The following TBC1D20 variants were observed in gnomAD, a reference collection of about 807,000 sequenced individuals.
TBC1D20 encodes chromosome 20 open reading frame 140.
TBC1D20 carries 12 observed loss-of-function variants against 41.6 expected under a neutral mutation model. The ratio of observed to expected loss-of-function variants is 0.29; its 90% CI spans 0.18 to 0.47. TBC1D20 has a LOEUF of 0.47. TBC1D20 is among the 20% of genes least tolerant of loss of function. The probability of loss-of-function intolerance (pLI) is 1.00; values close to 1 mark genes in which losing one functional copy is unlikely to be tolerated. For synonymous variants in TBC1D20, 205 were observed against 204.8 expected, an observed-to-expected ratio of 1.00 and a Z score of -0.01; for missense variants, 421 against 517.4, an observed-to-expected ratio of 0.81 and a Z score of 1.81.
chr20:444,036 C>G (rs2017286167), intron 3 of TBC1D20, among the ~76,000 whole-genome samples: 1 of 151,516 alleles, frequency 6.6e-6, no homozygotes, highest in Admixed American at 6.6e-5. Context: ...GAGGCTGAGG[C>G]AGGAGAACTG....
intron 1 of TBC1D20, among the ~76,000 whole-genome samples, chr20:454,012 G>A (rs563557504): frequency 2.0e-5 from 3 of 148,940 alleles, no homozygotes; most frequent in South Asian, 2.2e-4. Context: ...AGGCCGAGGT[G>A]GGCAGATCAT....
chr20:438,414 G>A lies in TBC1D20; in HGVS notation c.*172C>T. 1 of 716,230 alleles carries A rather than the reference G, an allele frequency of 1.4e-6. No individual in the cohort carries two copies. The highest frequency in any genetic ancestry group is 1.9e-5 in the South Asian group (1 of 52,642). 44.4% of individuals were successfully genotyped at this position (716,230 alleles called of 1,614,324 possible). The stretch of plus-strand genomic sequence containing the variant: ...CCCAGGTCCCCTCTGTGTCAGGTAG[G>A]CTCTGCTACTGGCCTCTGAAGTAAA... On this transcript the variant is annotated 3_prime_UTR_variant, in exon 8 of 8. Transcript: ENST00000354200.
Position 447,986 on chromosome 20 carries a change from C to T in TBC1D20, c.159G>A (p.Met53Ile). The T allele has an allele frequency of 6.2e-7, 1 of 1,614,088 alleles. No homozygotes were observed. Reference protein sequence around the residue: ...DPTDVAALRRMAISEGGLLTD... With the variant: ...DPTDVAALRRIAISEGGLLTD... Reference sequence around the variant, plus strand: ...TCAGGAGCCCTCCTTCACTGATAGCCATGCGTCTAAGGGCAGCCACATCAG... The same window carrying T: ...TCAGGAGCCCTCCTTCACTGATAGCTATGCGTCTAAGGGCAGCCACATCAG... Residue 53 changes from methionine to isoleucine, a missense_variant, in exon 2 of 8, where the codon ATG becomes ATA. Met to Ile is a conservative substitution (Grantham distance 10, BLOSUM62 1). Transcript: ENST00000354200.
intron 5 of TBC1D20, 105 bp downstream of exon 5, chr20:441,483 C>T (rs888370122): frequency 1.0e-5 from 10 of 1,000,960 alleles, no homozygotes; most frequent in South Asian, 4.0e-5. Flanking sequence ...AACAAATCCA[C>T]CCAAGACAAT....
chr20:462,356 T>C lies in TBC1D20; in HGVS notation c.50A>G (p.Asp17Gly). The stretch of plus-strand genomic sequence containing the variant: ...CGTACCTGCCTTCTCCGCGCCGCCG[T>C]CCCAGTGGCCGGAGGTGGGGCCGTC... ...QGDGPTSGHW[D>G]GGAEKADFNA... Residue 17 changes from aspartate (D) to glycine (G), a missense_variant, in exon 1 of 8, where the codon GAC (aspartate) becomes GGC (glycine). Physicochemically the swap from Asp to Gly is moderately conservative, Grantham distance 94 (BLOSUM62 -1). Transcript: ENST00000354200. 1 of 1,306,050 alleles carries C rather than the reference T, an allele frequency of 7.7e-7. No individual in the cohort carries two copies. The highest frequency in any genetic ancestry group is 9.8e-7 in the Non-Finnish European group (1 of 1,017,848). The allele number at this position is 1,306,050 out of a possible 1,614,324, so 80.9% of individuals were successfully genotyped here. A position where few individuals can be genotyped will look rare whatever the true frequency, so the allele number is the denominator to read the frequency against.
rs1256934917 is a variant in TBC1D20, at chr20:440,339, C to G, written c.677G>C (p.Gly226Ala). 1 of 1,614,116 alleles carries G rather than the reference C, an allele frequency of 6.2e-7. No individual in the cohort carries two copies. Among genetic ancestry groups the G allele is most frequent in the Non-Finnish European group, 8.5e-7 (1 of 1,180,038 alleles). Residue 226 changes from glycine (G) to alanine (A), a missense_variant, in exon 6 of 8, where the codon GGG becomes GCG. Physicochemically the swap from Gly to Ala is moderately conservative, Grantham distance 60. This residue lies in a region of TBC1D20 where 110 missense variants were observed against 183.5 expected (regional missense o/e 0.60). Coordinates refer to ENST00000354200, the MANE Select transcript of TBC1D20 (RefSeq NM_144628.4). Reference sequence around the variant, plus strand: ...GTGCCTGAAGTCAGACAGGACATGCCCAAACCAGGTGATGAGCCAGCTGAG... The same window carrying G: ...GTGCCTGAAGTCAGACAGGACATGCGCAAACCAGGTGATGAGCCAGCTGAG... ...FALSWLITWFGHVLSDFRHVV... is the reference protein window; with the variant it reads ...FALSWLITWFAHVLSDFRHVV...
Position 438,460 on chromosome 20 carries a change from G to T in TBC1D20, c.*126C>A. 2 of 1,142,186 alleles carry T rather than the reference G, an allele frequency of 1.8e-6. No homozygotes were observed. Among genetic ancestry groups the T allele is most frequent in the Non-Finnish European group, 2.5e-6 (2 of 805,918 alleles). The allele number at this position is 1,142,186 out of a possible 1,614,324, so 70.8% of individuals were successfully genotyped here. ...GTAAAGGCAAACACAAACGGGCAGG[G>T]CAGGGTGGCAGGAATAAAAAACTCT... On this transcript the variant is annotated 3_prime_UTR_variant, in exon 8 of 8. Transcript: ENST00000354200.
intron 1 of TBC1D20, among the ~76,000 whole-genome samples, chr20:462,072 C>T (rs2017641496): frequency 1.3e-5 from 2 of 152,202 alleles, no homozygotes; most frequent in South Asian, 4.1e-4. Flanking sequence ...GGCGCGAAGC[C>T]GCCGCCCGCT....
intron 2 of TBC1D20, among the ~76,000 whole-genome samples, chr20:447,396 G>A (rs1481324989): frequency 1.3e-5 from 2 of 151,896 alleles, no homozygotes; most frequent in Middle Eastern, 3.4e-3. Flanking sequence ...GGTAGCTCAT[G>A]CCTGTAATCC....
Position 445,243 on chromosome 20 carries a change from G to A in TBC1D20, c.257-113C>T, listed in dbSNP as rs780995008. On this transcript the variant is annotated intron_variant, in intron 2 of 7. Transcript: ENST00000354200. Reference sequence around the variant, plus strand: ...AGGGCACATGTCAGCTTCTCCTGAAGAGGATGATATGACTCAAGATACAAC... The same window carrying A: ...AGGGCACATGTCAGCTTCTCCTGAAAAGGATGATATGACTCAAGATACAAC... The A allele has an allele frequency of 8.6e-4, 639 of 742,378 alleles. 6 individuals carry two copies. The highest frequency in any genetic ancestry group is 7.9e-4 in the Middle Eastern group (3 of 3,782). 46.0% of individuals were successfully genotyped at this position (742,378 alleles called of 1,614,324 possible).
chr20:462,286 C>G, intron 1 of TBC1D20, 50 bp downstream of exon 1: 1 of 1,227,592 alleles, frequency 8.1e-7, no homozygotes, highest in Non-Finnish European at 1.0e-6. Flanking sequence ...GCCCCTGCCC[C>G]CCGGGCCGCC....
At chr20:451,410 T>C (rs977061254) in intron 1 of TBC1D20, among the ~76,000 whole-genome samples, 1 of 152,082 alleles carries the variant, frequency 6.6e-6, no homozygotes, top group Non-Finnish European at 1.5e-5. Context: ...TAGCCGGGCA[T>C]GGTGGCAGGC....
intron 1 of TBC1D20, among the ~76,000 whole-genome samples, chr20:449,282 C>T (rs1473167912): frequency 3.9e-5 from 1 of 25,392 alleles, no homozygotes; most frequent in African/African-American, 3.7e-4. Flanking sequence ...CCTCCCAATA[C>T]ATTAAAAAAA....
chr20:457,179 G>A (rs561404904), intron 1 of TBC1D20, among the ~76,000 whole-genome samples: 15 of 151,996 alleles, frequency 9.9e-5, no homozygotes, highest in East Asian at 1.9e-4. Flanking sequence ...CAGGTGATCC[G>A]CCCACCTTGG....
intron 1 of TBC1D20, among the ~76,000 whole-genome samples, chr20:460,054 T>A (rs2017602749): frequency 2.0e-5 from 3 of 152,122 alleles, no homozygotes; most frequent in Admixed American, 2.0e-4. Flanking sequence ...AAATACTAAC[T>A]TGGATCAACT....
rs2017110968 is a variant in TBC1D20, at chr20:435,977, T to C, written c.*2609A>G. The C allele has an allele frequency of 6.6e-6, 1 of 152,304 alleles. No homozygotes were observed. Among genetic ancestry groups the C allele is most frequent in the African/African-American group, 2.4e-5 (1 of 41,440 alleles). 9.4% of individuals were successfully genotyped at this position (152,304 alleles called of 1,614,324 possible). A position where few individuals can be genotyped will look rare whatever the true frequency, so the allele number is the denominator to read the frequency against. On this transcript the variant is annotated 3_prime_UTR_variant, in exon 8 of 8. Coordinates refer to ENST00000354200, the MANE Select transcript of TBC1D20 (RefSeq NM_144628.4). ...AGATTCCGTTTTCTGAGGCCTGCAG[T>C]GTCCCAACATTATAACAAAGGGTTA...
chr20:440,440 T>A (rs1297502851), intron 5 of TBC1D20, 51 bp from the exon 6 acceptor site: 1 of 1,607,890 alleles, frequency 6.2e-7, no homozygotes, highest in East Asian at 2.2e-5. Context: ...ATCCCTTCCC[T>A]CTCTCTGGGC....
At position 440,287 on chromosome 20, in the gene TBC1D20, C is replaced by T. The variant is rs2017202708; in HGVS notation, c.729G>A (p.Leu243=). Residue 243 remains leucine, a synonymous_variant, in exon 6 of 8, where the codon CTG becomes CTA. Transcript: ENST00000354200. ...AAATCGGCATCAGTGGGTGGCAGGC[C>T]AGGAAGAAGTCATATAACCGCACGA... ...RHVVRLYDFF[L]ACHPLMPIYF... 6.2e-7 allele frequency: 1 copy of T among 1,613,944 alleles called. No individual in the cohort carries two copies. Among genetic ancestry groups the T allele is most frequent in the Non-Finnish European group, 8.5e-7 (1 of 1,179,954 alleles).
intron 1 of TBC1D20, among the ~76,000 whole-genome samples, chr20:456,836 G>C (rs2017548733): frequency 6.6e-6 from 1 of 152,120 alleles, no homozygotes; most frequent in African/African-American, 2.4e-5. Context: ...AAAGTGCTGG[G>C]ATTACAGGAG....
Sources: gnomAD v4.1 joint callset for allele counts (sites outside exome capture counted in the v4.1 genomes callset) on GRCh38, gnomAD v4.1.1 for gene constraint, gnomAD v4.1.1 regional missense constraint, MANE v1.5 for transcripts, NCBI Gene and HGNC (gene_info 2026-07-23, HGNC 2026-07-21) for gene names.